CUBN: variants seen among roughly 807,000 people sequenced by gnomAD.
CUBN encodes 460 kDa receptor.
A neutral mutation model predicts 405.3 loss-of-function variants in CUBN; 282 were observed. The observed-to-expected ratio is 0.70, with a 90% CI of 0.63 to 0.77. The LOEUF (loss-of-function observed/expected upper bound fraction) is 0.77, where lower values mean the gene tolerates loss of function less well. Ranked by LOEUF, CUBN falls within the 30% of genes least tolerant of loss-of-function variation. The pLI is 0.00. For missense variants in CUBN, 4,514 were observed against 4,475.2 expected, an observed-to-expected ratio of 1.01 and a Z score of -0.25; for synonymous variants, 1,684 against 1,617.0, an observed-to-expected ratio of 1.04 and a Z score of -0.99.
intron 44 of CUBN, 61 bp downstream of exon 44, chr10:16,919,902 A>G: frequency 6.5e-7 from 1 of 1,536,546 alleles, no homozygotes; most frequent in Non-Finnish European, 9.0e-7. Flanking sequence ...CTGTTTTGAG[A>G]CATGACGGTT....
intron 59 of CUBN, among the ~76,000 whole-genome samples, chr10:16,857,803 G>A (rs148136306): frequency 2.0e-5 from 3 of 152,246 alleles, no homozygotes; most frequent in East Asian, 1.9e-4. Context: ...CTAACTCAGC[G>A]TAGTATTAGA....
At chr10:16,972,536 C>T (rs749667572) in intron 31 of CUBN, among the ~76,000 whole-genome samples, 13 of 151,698 alleles carry the variant, frequency 8.6e-5, no homozygotes, top group Non-Finnish European at 1.5e-4. Context: ...CTCCCATGCT[C>T]AAGCCATCCT....
intron 60 of CUBN, among the ~76,000 whole-genome samples, chr10:16,844,970 T>C (rs1271779245): frequency 6.6e-6 from 1 of 152,230 alleles, no homozygotes; most frequent in Non-Finnish European, 1.5e-5. Flanking sequence ...GAGCTTGAAT[T>C]ACGTTCTAAG....
chr10:16,933,416 A>G (rs1017726484), intron 39 of CUBN, 132 bp from the exon 40 acceptor site: 6 of 789,304 alleles, frequency 7.6e-6, no homozygotes, highest in Non-Finnish European at 1.1e-5. Flanking sequence ...AGAGAAATCA[A>G]TGAATATCGT....
At chr10:16,906,469 A>G in intron 49 of CUBN, 60 bp from the exon 50 acceptor site, 1 of 1,169,174 alleles carries the variant, frequency 8.6e-7, no homozygotes, top group Non-Finnish European at 1.3e-6. Context: ...AACGGAAGAG[A>G]TAAACAATAC....
At chr10:17,025,331 T>G (rs1045741369) in intron 27 of CUBN, among the ~76,000 whole-genome samples, 3 of 152,206 alleles carry the variant, frequency 2.0e-5, no homozygotes, top group African/African-American at 7.2e-5. Context: ...GCAATTTTAT[T>G]GTAGAATGTA....
chr10:17,113,900 G>C, intron 8 of CUBN, 127 bp downstream of exon 8: 1 of 917,852 alleles, frequency 1.1e-6, no homozygotes, highest in South Asian at 1.4e-5. Context: ...AGCAGAACCA[G>C]GACACAAAAC....
intron 10 of CUBN, 144 bp downstream of exon 10, chr10:17,109,496 T>A (rs1054466006): frequency 1.4e-6 from 1 of 704,322 alleles, no homozygotes; most frequent in Non-Finnish European, 2.6e-6. Flanking sequence ...AAGCCAAATG[T>A]GTAGTTTTAT....
At chr10:16,892,282 T>A (rs1841053637) in intron 54 of CUBN, among the ~76,000 whole-genome samples, 1 of 152,130 alleles carries the variant, frequency 6.6e-6, no homozygotes, top group South Asian at 2.1e-4. Flanking sequence ...GCGCTGGACC[T>A]ACTGAGAACA....
chr10:16,876,239 T>C (rs1588611950), intron 57 of CUBN, among the ~76,000 whole-genome samples: 1 of 152,322 alleles, frequency 6.6e-6, no homozygotes, highest in Non-Finnish European at 1.5e-5. Context: ...TATTAGATAG[T>C]GCATAAATAT....
At chr10:17,010,228 C>T (rs1834143766) in intron 28 of CUBN, among the ~76,000 whole-genome samples, 1 of 152,250 alleles carries the variant, frequency 6.6e-6, no homozygotes, top group Admixed American at 6.5e-5. Flanking sequence ...TCTTTTCACA[C>T]TGTCTCTAGT....
rs901203812 is a variant in CUBN at position 17,054,594 on chromosome 10, G to GA, written c.3140-6992dup. 6.1e-4 allele frequency among the ~76,000 whole-genome samples: 92 copies of GA among 150,926 alleles called. 1 individual carries two copies. The highest frequency in any genetic ancestry group is 3.8e-3 in the South Asian group (18 of 4,760). On this transcript the variant is annotated intron_variant, in intron 22 of 66. Coordinates refer to ENST00000377833, the MANE Select transcript of CUBN (RefSeq NM_001081.4). Reference sequence around the variant, plus strand: ...CTACCAAAACTGATCAAAGAAAAAAGAAAAAAAACACAAATTACCATTTTC... The same window carrying GA: ...CTACCAAAACTGATCAAAGAAAAAAGAAAAAAAAACACAAATTACCATTTTC...
In CUBN at chr10:17,097,101, A is replaced by C. The variant is rs77196599; in HGVS notation, c.1765+2904T>G. On this transcript the variant is annotated intron_variant, in intron 14 of 66. Transcript: ENST00000377833. ...CACAAGGGAAGAAAATGATAAAACC[A>C]TGAGGAAAATCAATGAAATAAAAAT... Among the ~76,000 whole-genome samples, 7 of 152,226 alleles carry C rather than the reference A, an allele frequency of 4.6e-5. No homozygotes were observed. In the East Asian group the frequency reaches 9.6e-4, roughly 21 times the overall value.
At chr10:17,031,182 G>A (rs1834778430) in intron 27 of CUBN, among the ~76,000 whole-genome samples, 1 of 152,244 alleles carries the variant, frequency 6.6e-6, no homozygotes, top group Non-Finnish European at 1.5e-5. Flanking sequence ...CATGCAGGCT[G>A]CAGGCAGAAA....
chr10:17,061,384 C>T (rs1471632709), intron 22 of CUBN, among the ~76,000 whole-genome samples: 1 of 152,116 alleles, frequency 6.6e-6, no homozygotes, highest in African/African-American at 2.4e-5. Flanking sequence ...CTGGGTGGGG[C>T]CCAGATGCCT....
intron 11 of CUBN, among the ~76,000 whole-genome samples, chr10:17,105,049 C>T (rs181392656): frequency 0.013 from 2,015 of 151,852 alleles, 16 homozygotes; most frequent in Non-Finnish European, 0.022. Flanking sequence ...GATGCACCCG[C>T]CTCACCCTCC....
intron 17 of CUBN, among the ~76,000 whole-genome samples, chr10:17,080,835 G>C (rs577321427): frequency 1.1e-4 from 17 of 152,192 alleles, no homozygotes; most frequent in Admixed American, 7.8e-4. Flanking sequence ...TTTTATTCTG[G>C]AAAGATGCTT....
intron 17 of CUBN, among the ~76,000 whole-genome samples, chr10:17,081,082 T>C (rs1234741559): frequency 6.6e-6 from 1 of 152,148 alleles, no homozygotes; most frequent in Non-Finnish European, 1.5e-5. Context: ...CTACACTGGG[T>C]CAATATCATT....
intron 28 of CUBN, among the ~76,000 whole-genome samples, chr10:17,019,192 G>A (rs986152126): frequency 2.6e-5 from 4 of 152,266 alleles, no homozygotes; most frequent in Admixed American, 1.3e-4. Flanking sequence ...GAGATTTGAA[G>A]ACATTTCAGA....
Sources: allele counts gnomAD v4.1 joint callset (sites outside exome capture counted in the v4.1 genomes callset), GRCh38; gene constraint gnomAD v4.1.1; transcripts MANE v1.5; gene names NCBI Gene and HGNC (gene_info 2026-07-23, HGNC 2026-07-21).